Variants in SNX9 observed in about 807,000 individuals in gnomAD.
SNX9 encodes sorting nexin 9.
A neutral mutation model predicts 89.4 loss-of-function variants in SNX9; 44 were observed. The ratio of observed to expected loss-of-function variants is 0.49; its 90% CI spans 0.39 to 0.63. SNX9 has a LOEUF of 0.63. Among genes scored for constraint, SNX9 ranks in the 30% least tolerant of loss-of-function variants. SNX9 has a pLI of 0.00. For synonymous variants in SNX9, 236 were observed against 247.8 expected, an observed-to-expected ratio of 0.95 and a Z score of 0.45; for missense variants, 578 against 736.1, an observed-to-expected ratio of 0.79 and a Z score of 2.49.
chr6:157,894,348 G>A (rs1401888301), intron 4 of SNX9, among the ~76,000 whole-genome samples: 2 of 150,436 alleles, frequency 1.3e-5, no homozygotes, highest in Admixed American at 1.3e-4. Flanking sequence ...GACCTCAGGT[G>A]ATCCTCCCGC....
intron 1 of SNX9, among the ~76,000 whole-genome samples, chr6:157,864,519 AT>A (rs1782212921): frequency 6.6e-6 from 1 of 152,182 alleles, no homozygotes; most frequent in African/African-American, 2.4e-5. Context: ...GGTATTCTAT[AT>A]TTGGAAACTA....
At chr6:157,922,602 A>T (rs1247438194) in intron 10 of SNX9, among the ~76,000 whole-genome samples, 1 of 152,250 alleles carries the variant, frequency 6.6e-6, no homozygotes. Context: ...GTATGTTTAC[A>T]GGTGTATGCA....
intron 9 of SNX9, among the ~76,000 whole-genome samples, chr6:157,912,960 A>T (rs1651515683): frequency 6.6e-6 from 1 of 152,200 alleles, no homozygotes; most frequent in African/African-American, 2.4e-5. Flanking sequence ...CTTAGAGATA[A>T]ACCAGCTATG....
rs1368660755 is a variant in SNX9 at position 157,823,279 on chromosome 6, G to T, written c.-156G>T. 6.6e-6 allele frequency: 3 copies of T among 457,942 alleles called. No homozygotes were observed. Among genetic ancestry groups the T allele is most frequent in the Non-Finnish European group, 9.5e-6 (3 of 315,382 alleles). 28.4% of individuals were successfully genotyped at this position (457,942 alleles called of 1,614,324 possible). ...CCGAGCGCCCAGCGGCTGGGCCTGA[G>T]CGTCGAGACTCGGGGCCGAGGCGGA... On this transcript the variant is annotated 5_prime_UTR_variant, in exon 1 of 18. Coordinates refer to ENST00000392185, the MANE Select transcript of SNX9 (RefSeq NM_016224.5). The surrounding 1 kb of genome is among the most constrained non-coding windows in gnomAD (Gnocchi z 4.6).
intron 1 of SNX9, among the ~76,000 whole-genome samples, chr6:157,865,706 A>G (rs954667675): frequency 1.3e-5 from 2 of 152,192 alleles, no homozygotes; most frequent in African/African-American, 2.4e-5. Context: ...ACTATTTTTT[A>G]TGTATTTCAA....
At chr6:157,826,368 C>T (rs1307380029) in intron 1 of SNX9, among the ~76,000 whole-genome samples, 1 of 151,660 alleles carries the variant, frequency 6.6e-6, no homozygotes, top group African/African-American at 2.4e-5. Context: ...GGCGTGGTGG[C>T]GGGCGCCTGT....
chr6:157,826,748 A>T (rs1208040149), intron 1 of SNX9, among the ~76,000 whole-genome samples: 1 of 123,498 alleles, frequency 8.1e-6, no homozygotes, highest in African/African-American at 3.9e-5. Context: ...TATTTATATT[A>T]TAGGTTTTAT....
chr6:157,921,005 A>G (rs948360475), intron 9 of SNX9, among the ~76,000 whole-genome samples: 1 of 152,234 alleles, frequency 6.6e-6, no homozygotes, highest in African/African-American at 2.4e-5. Context: ...GTTACTCTTC[A>G]TAATGCTAAA....
chr6:157,936,750 A>G (rs1783933139), intron 14 of SNX9, among the ~76,000 whole-genome samples: 1 of 152,232 alleles, frequency 6.6e-6, no homozygotes, highest in African/African-American at 2.4e-5. Context: ...TCCCCAGGAC[A>G]GGGTAGGTCC....
chr6:157,932,272 G>A lies in SNX9; in HGVS notation c.1366G>A (p.Gly456Ser). 6.2e-7 allele frequency: 1 copy of A among 1,614,064 alleles called. No homozygotes were observed. The highest frequency in any genetic ancestry group is 8.5e-7 in the Non-Finnish European group (1 of 1,179,938). The change falls in exon 13 of 18, where the codon GGT becomes AGT. Residue 456 changes from glycine (G) to serine (S), a missense_variant and splice_region_variant. Physicochemically the swap from Gly to Ser is moderately conservative, Grantham distance 56. This residue lies in a region of SNX9 where 348 missense variants were observed against 491.4 expected (regional missense o/e 0.71). Transcript: ENST00000392185. The part of the protein sequence containing the change: ...ATVFSSSGYQ[G>S]ETDLNDAITE... The stretch of plus-strand genomic sequence containing the variant: ...AGTGTTCAGTTCCAGTGGCTATCAA[G>A]GTGCGTCTTTCTTCATTCATCCAGT...
chr6:157,925,267 G>GGGGAGAAGCTCTCATGAC (rs1783667727), intron 10 of SNX9, among the ~76,000 whole-genome samples: 2 of 152,102 alleles, frequency 1.3e-5, no homozygotes, highest in African/African-American at 4.8e-5. Flanking sequence ...AATCTCATTA[G>GGGGAGAAGCTCTCATGAC]CAATCAATAA....
At chr6:157,929,007 GTTATTC>G (rs1468041990) in intron 12 of SNX9, among the ~76,000 whole-genome samples, 28 of 152,268 alleles carry the variant, frequency 1.8e-4, no homozygotes, top group Admixed American at 1.7e-3. Context: ...AGTGCTTGTA[GTTATTC>G]TTAGTCTCAT....
chr6:157,935,541 G>A (rs868587611), intron 13 of SNX9, among the ~76,000 whole-genome samples: 6 of 152,148 alleles, frequency 3.9e-5, no homozygotes, highest in African/African-American at 4.8e-5. Flanking sequence ...AAAAGGGGCC[G>A]AGGGAGAAGA....
At chr6:157,896,746 A>C in intron 4 of SNX9, 81 bp from the exon 5 acceptor site, 1 of 1,465,288 alleles carries the variant, frequency 6.8e-7, no homozygotes. Context: ...TGTTGTATTC[A>C]ATTGTGTCAG....
intron 9 of SNX9, among the ~76,000 whole-genome samples, chr6:157,915,640 A>AAAAAAAAAT (rs1472422303): frequency 4.2e-5 from 4 of 95,168 alleles, no homozygotes; most frequent in Non-Finnish European, 6.4e-5. Context: ...AAAAAAAAAA[A>AAAAAAAAAT]ATATATATAT....
chr6:157,939,685 A>G (rs4311534), intron 16 of SNX9, among the ~76,000 whole-genome samples: 1 of 152,248 alleles, frequency 6.6e-6, no homozygotes, highest in African/African-American at 2.4e-5. Flanking sequence ...CCACTACGGC[A>G]AAAACGAGGA....
intron 16 of SNX9, among the ~76,000 whole-genome samples, chr6:157,939,957 G>GGGGGCA (rs144420357): frequency 0.12 from 18,602 of 151,570 alleles, 1,173 homozygotes; most frequent in African/African-American, 0.16. Context: ...CTCTAGAGTT[G>GGGGGCA]GGGGCAGGGG....
intron 2 of SNX9, among the ~76,000 whole-genome samples, chr6:157,869,633 T>G (rs1243916912): frequency 3.9e-5 from 6 of 152,142 alleles, no homozygotes; most frequent in African/African-American, 1.4e-4. Context: ...ACCATGCACC[T>G]TCCTCACTGG....
intron 1 of SNX9, among the ~76,000 whole-genome samples, chr6:157,852,815 C>G (rs942864222): frequency 2.1e-4 from 32 of 152,198 alleles, no homozygotes; most frequent in African/African-American, 7.2e-4. Flanking sequence ...TTTGTGCGAT[C>G]TGTCCACCTC....
Sources: allele counts gnomAD v4.1 joint callset (sites outside exome capture counted in the v4.1 genomes callset), GRCh38; gene constraint gnomAD v4.1.1; regional missense constraint gnomAD v4.1.1; non-coding constraint Gnocchi (gnomAD v3.1); transcripts MANE v1.5; gene names NCBI Gene and HGNC (gene_info 2026-07-23, HGNC 2026-07-21).